TMEM132B: variants seen among roughly 807,000 people sequenced by gnomAD.
TMEM132B encodes transmembrane protein 132B.
In TMEM132B, 18 loss-of-function variants were observed where a neutral mutation model predicts 90.8. The observed-to-expected ratio is 0.20, with a 90% CI of 0.14 to 0.29. The LOEUF is 0.29. TMEM132B is among the 10% of genes least tolerant of loss of function. TMEM132B has a pLI of 1.00. For missense variants in TMEM132B, 1,096 were observed against 1,326.8 expected (o/e 0.83, Z 2.70); for synonymous variants, 504 against 523.3 (o/e 0.96, Z 0.50).
chr12:125,602,641 G>A (rs1391399105), intron 5 of TMEM132B, among the ~76,000 whole-genome samples: 2 of 152,184 alleles, frequency 1.3e-5, no homozygotes, highest in Non-Finnish European at 2.9e-5. Context: ...AAGAAATAAA[G>A]CGTATTCAAA....
chr12:125,497,353 G>T (rs1220104824), intron 3 of TMEM132B, among the ~76,000 whole-genome samples: 1 of 152,166 alleles, frequency 6.6e-6, no homozygotes, highest in African/African-American at 2.4e-5. Flanking sequence ...GCCTGTGCTG[G>T]GTGTGGGGTT....
At chr12:125,560,920 G>A (rs1426814875) in intron 4 of TMEM132B, among the ~76,000 whole-genome samples, 4 of 149,480 alleles carry the variant, frequency 2.7e-5, no homozygotes, top group Non-Finnish European at 3.0e-5. Context: ...TTGCACTGTT[G>A]GTGAGAGTGT....
intron 3 of TMEM132B, among the ~76,000 whole-genome samples, chr12:125,503,186 T>A (rs1234584050): frequency 6.6e-6 from 1 of 152,176 alleles, no homozygotes; most frequent in Non-Finnish European, 1.5e-5. Flanking sequence ...GAGGATTTAC[T>A]CTTCGCTTAG....
intron 1 of TMEM132B, among the ~76,000 whole-genome samples, chr12:125,313,538 T>C: frequency 1.8e-5 from 1 of 54,608 alleles, no homozygotes; most frequent in Non-Finnish European, 3.4e-5. Flanking sequence ...CCCCTCCCAT[T>C]TCCCCCTCCC....
rs1324079761 is a variant in TMEM132B at position 125,407,327 on chromosome 12, A to G, written c.960-8204A>G. Among the ~76,000 whole-genome samples the G allele has an allele frequency of 2.0e-5, 3 of 152,220 alleles. No individual in the cohort carries two copies. The highest frequency in any genetic ancestry group is 4.4e-5 in the Non-Finnish European group (3 of 68,042). On this transcript the variant is annotated intron_variant, in intron 2 of 8. Transcript: ENST00000682704. This position sits in a 1 kb window ranked among gnomAD's most constrained non-coding sequence, Gnocchi z 6.7. The stretch of plus-strand genomic sequence containing the variant: ...CCTTTACTGCCCACCCACTATGTAG[A>G]CAACCAAACAAACCCAAAACCCTGT...
intron 1 of TMEM132B, among the ~76,000 whole-genome samples, chr12:125,304,066 C>CAGAA (rs1875896644): frequency 6.6e-6 from 1 of 152,162 alleles, no homozygotes; most frequent in African/African-American, 2.4e-5. Flanking sequence ...ACTGTTCCAC[C>CAGAA]TCAAATCAGG....
chr12:125,382,125 T>G (rs1293342535), intron 2 of TMEM132B, among the ~76,000 whole-genome samples: 1 of 152,252 alleles, frequency 6.6e-6, no homozygotes, highest in African/African-American at 2.4e-5. Context: ...CAGGTAACTC[T>G]AACTTACATT....
At chr12:125,219,600 C>G (rs1191912704) in intron 1 of TMEM132B, among the ~76,000 whole-genome samples, 2 of 152,166 alleles carry the variant, frequency 1.3e-5, no homozygotes, top group Non-Finnish European at 2.9e-5. Flanking sequence ...AGACCTGGTC[C>G]TCCAACCCTC....
chr12:125,594,352 G>A (rs569131675), intron 5 of TMEM132B, among the ~76,000 whole-genome samples: 4 of 152,154 alleles, frequency 2.6e-5, no homozygotes, highest in Non-Finnish European at 2.9e-5. Context: ...CTAATGCTGC[G>A]ATAAACATTG....
Position 125,349,843 on chromosome 12 carries a change from T to C in TMEM132B, c.459T>C (p.Asp153=). 1 of 1,614,006 alleles carries C rather than the reference T, an allele frequency of 6.2e-7. No individual in the cohort carries two copies. Among genetic ancestry groups the C allele is most frequent in the South Asian group, 1.1e-5 (1 of 91,060 alleles). Residue 153 remains aspartate, a synonymous_variant, in exon 2 of 9, where the codon GAT becomes GAC. Coordinates refer to ENST00000682704, the MANE Select transcript of TMEM132B (RefSeq NM_001366854.1). This position sits in a 1 kb window ranked among gnomAD's most constrained non-coding sequence, Gnocchi z 4.1. The part of the protein sequence containing the change: ...TLFYVTGMGW[D]DSDLTEDLPC... ...TTTATGTCACTGGCATGGGCTGGGA[T>C]GACAGTGACCTTACGGAAGATCTAC...
chr12:125,623,786 C>T (rs1361247078), intron 5 of TMEM132B, among the ~76,000 whole-genome samples: 2 of 152,188 alleles, frequency 1.3e-5, no homozygotes, highest in Non-Finnish European at 2.9e-5. Flanking sequence ...TCCCCAGAGT[C>T]CTGCTCAGAG....
intron 3 of TMEM132B, among the ~76,000 whole-genome samples, chr12:125,507,323 G>T (rs980944312): frequency 1.3e-5 from 2 of 152,204 alleles, no homozygotes; most frequent in Non-Finnish European, 2.9e-5. Context: ...ATAGGAACAT[G>T]CAGACAAAAC....
chr12:125,194,273 G>GC (rs1347599178), intron 1 of TMEM132B, among the ~76,000 whole-genome samples: 3 of 152,058 alleles, frequency 2.0e-5, no homozygotes, highest in Non-Finnish European at 4.4e-5. Flanking sequence ...CCCGTTGGTG[G>GC]GGGGGTCTTA....
chr12:125,379,666 T>C (rs1183304693), intron 2 of TMEM132B, among the ~76,000 whole-genome samples: 1 of 151,852 alleles, frequency 6.6e-6, no homozygotes, highest in East Asian at 1.9e-4. Context: ...AATAATAGAG[T>C]CCCCTGACCA....
Position 125,658,163 on chromosome 12 carries a change from C to A in TMEM132B, c.*3453C>A, listed in dbSNP as rs1354812588. The A allele has an allele frequency of 2.0e-5, 3 of 152,198 alleles. No homozygotes were observed. Among genetic ancestry groups the A allele is most frequent in the Admixed American group, 6.5e-5 (1 of 15,278 alleles). The allele number at this position is 152,198 out of a possible 1,614,324, so 9.4% of individuals were successfully genotyped here. ...AATTCCCAGACTATAATAATCCTGACTATGTAGACGGAAGTTTCTATTTAT... is the reference window on the plus strand; with the variant it reads ...AATTCCCAGACTATAATAATCCTGAATATGTAGACGGAAGTTTCTATTTAT... On this transcript the variant is annotated 3_prime_UTR_variant, in exon 9 of 9. Transcript: ENST00000682704.
At chr12:125,203,186 G>T (rs1031257755) in intron 1 of TMEM132B, among the ~76,000 whole-genome samples, 1 of 152,206 alleles carries the variant, frequency 6.6e-6, no homozygotes, top group Non-Finnish European at 1.5e-5. Flanking sequence ...GAGACACAGA[G>T]TGGAAGCCAT....
intron 2 of TMEM132B, among the ~76,000 whole-genome samples, chr12:125,367,093 C>T (rs2136262807): frequency 6.6e-6 from 1 of 152,264 alleles, no homozygotes; most frequent in East Asian, 1.9e-4. Flanking sequence ...TTTTACATCA[C>T]TGATGACAGT....
intron 3 of TMEM132B, among the ~76,000 whole-genome samples, chr12:125,517,677 A>G (rs899605376): frequency 6.6e-6 from 1 of 152,158 alleles, no homozygotes; most frequent in Non-Finnish European, 1.5e-5. Context: ...ATGAATTCAT[A>G]TTACTGGATG....
chr12:125,189,182 A>C (rs1593034500), intron 1 of TMEM132B, among the ~76,000 whole-genome samples: 1 of 152,226 alleles, frequency 6.6e-6, no homozygotes, highest in East Asian at 1.9e-4. Context: ...GCAAGTGCTT[A>C]AACATATGGA....
Sources: allele counts gnomAD v4.1 joint callset (sites outside exome capture counted in the v4.1 genomes callset), GRCh38; gene constraint gnomAD v4.1.1; non-coding constraint Gnocchi (gnomAD v3.1); transcripts MANE v1.5; gene names NCBI Gene and HGNC (gene_info 2026-07-23, HGNC 2026-07-21).